Variants in G3BP2 observed in about 807,000 individuals in gnomAD.
The protein encoded by G3BP2 is G3BP stress granule assembly factor 2.
In G3BP2, 11 loss-of-function variants were observed where a neutral mutation model predicts 56.7. The observed-to-expected ratio is 0.19, with a 90% CI of 0.12 to 0.32. G3BP2 has a LOEUF of 0.32. Among genes scored for constraint, G3BP2 ranks in the 10% least tolerant of loss-of-function variants. G3BP2 has a pLI of 1.00. For missense variants in G3BP2, 340 were observed against 610.9 expected (o/e 0.56, Z 4.67); for synonymous variants, 165 against 191.6 (o/e 0.86, Z 1.15).
At chr4:75,682,414 CAAAA>C (rs34067467) in intron 3 of G3BP2, among the ~76,000 whole-genome samples, 2 of 100,258 alleles carry the variant, frequency 2.0e-5, no homozygotes. Context: ...GACTCCGTCT[CAAAA>C]AAAAAAAAAA....
chr4:75,674,017 C>T (rs1204654482), upstream of G3BP2: 1 of 152,396 alleles, frequency 6.6e-6, no homozygotes, highest in South Asian at 2.1e-4. Context: ...CGAATTTAGG[C>T]ATGGCTAAAT....
rs1406722711 is a variant in G3BP2 at position 75,655,053 on chromosome 4, T to C, written c.726+13A>G. ...ATGTGATGTTGTAAGTCTAAAGAGT[T>C]CTTTGATCTAACCTTTGGTGGTTCT... On this transcript the variant is annotated intron_variant, in intron 7 of 11. Transcript: ENST00000359707. 6.3e-7 allele frequency: 1 copy of C among 1,588,754 alleles called. No homozygotes were observed. The highest frequency in any genetic ancestry group is 8.6e-7 in the Non-Finnish European group (1 of 1,165,140).
At chr4:75,657,868 T>C in intron 3 of G3BP2, 138 bp from the exon 4 acceptor site, 1 of 574,962 alleles carries the variant, frequency 1.7e-6, no homozygotes, top group South Asian at 2.3e-5. Flanking sequence ...ACGACCATGC[T>C]GTGCATCACT....
At position 75,643,024 on chromosome 4, in the gene G3BP2, C is replaced by A. The variant is rs1458609548; in HGVS notation, c.*2406G>T. The A allele has an allele frequency of 2.6e-5, 4 of 152,464 alleles. No homozygotes were observed. The East Asian group carries it at 7.7e-4, about 29-fold the overall frequency. 9.4% of individuals were successfully genotyped at this position (152,464 alleles called of 1,614,324 possible). On this transcript the variant is annotated 3_prime_UTR_variant, in exon 12 of 12. Transcript: ENST00000359707. Reference sequence around the variant, plus strand: ...AGAATATTACCATCAAAAAATAAAACAAAATCAGCAAATAACAGTAATGGT... The same window carrying A: ...AGAATATTACCATCAAAAAATAAAAAAAAATCAGCAAATAACAGTAATGGT...
At chr4:75,703,582 T>C (rs1166662838) in intron 3 of G3BP2, among the ~76,000 whole-genome samples, 2 of 152,134 alleles carry the variant, frequency 1.3e-5, no homozygotes, top group Non-Finnish European at 2.9e-5. Flanking sequence ...AAACAGGGTT[T>C]TTAGCCTCTT....
At chr4:75,704,876 A>C (rs1360309012) in intron 3 of G3BP2, among the ~76,000 whole-genome samples, 2 of 151,210 alleles carry the variant, frequency 1.3e-5, no homozygotes, top group Admixed American at 1.3e-4. Flanking sequence ...CAGGTGACCC[A>C]CCCGCCTTGG....
intron 9 of G3BP2, among the ~76,000 whole-genome samples, chr4:75,648,260 A>C (rs1578377125): frequency 6.6e-6 from 1 of 151,832 alleles, no homozygotes; most frequent in East Asian, 1.9e-4. Context: ...AGGCAAGGGA[A>C]TCATTTGAAC....
upstream of G3BP2, among the ~76,000 whole-genome samples, chr4:75,674,718 A>ATTTTTTTTTTT (rs71203842): frequency 1.4e-5 from 1 of 71,432 alleles, no homozygotes; most frequent in African/African-American, 5.9e-5. Context: ...ATATATATAT[A>ATTTTTTTTTTT]TTTTTTTTTT....
At chr4:75,699,072 A>G (rs1230047886) in intron 3 of G3BP2, among the ~76,000 whole-genome samples, 2 of 152,050 alleles carry the variant, frequency 1.3e-5, no homozygotes, top group African/African-American at 2.4e-5. Context: ...TGTTACTTTC[A>G]ATACACTGTG....
chr4:75,675,017 C>G (rs922075430), upstream of G3BP2, among the ~76,000 whole-genome samples: 4 of 151,956 alleles, frequency 2.6e-5, no homozygotes, highest in Admixed American at 2.0e-4. Flanking sequence ...GCCACCGCAC[C>G]CGGCCAGTAG....
chr4:75,666,726 A>G (rs1733067543), intron 1 of G3BP2, among the ~76,000 whole-genome samples: 1 of 152,240 alleles, frequency 6.6e-6, no homozygotes, highest in African/African-American at 2.4e-5. Context: ...CTTTCAGAAT[A>G]AAAGTGATTA....
intron 1 of G3BP2, among the ~76,000 whole-genome samples, chr4:75,665,188 TTA>T (rs1488420053): frequency 6.6e-6 from 1 of 152,206 alleles, no homozygotes; most frequent in African/African-American, 2.4e-5. Flanking sequence ...AACTTCTACA[TTA>T]TGTTTTTAGG....
intron 3 of G3BP2, among the ~76,000 whole-genome samples, chr4:75,694,616 C>T (rs1719025740): frequency 6.6e-6 from 1 of 151,950 alleles, no homozygotes; most frequent in Non-Finnish European, 1.5e-5. Context: ...AAAAGGAGTC[C>T]TGAGACTCCT....
At chr4:75,677,166 A>G (rs1268538646), upstream of G3BP2, among the ~76,000 whole-genome samples, 1 of 152,246 alleles carries the variant, frequency 6.6e-6, no homozygotes, top group Non-Finnish European at 1.5e-5. Flanking sequence ...ATTTGAATTT[A>G]TAAAGCTTTT....
chr4:75,653,223 TAA>T lies in G3BP2; in HGVS notation c.825+758_825+759del, dbSNP rs549014448. On this transcript the variant is annotated intron_variant, in intron 8 of 11. Transcript: ENST00000359707. ...TCAAAATTTCACTGCTTAGAACATA[TAA>T]AAGATACATTTATATACTAACATTT... Among the ~76,000 whole-genome samples the T allele has an allele frequency of 3.7e-4, 56 of 152,156 alleles. 1 individual carries two copies. The South Asian group carries it at 0.011, about 31-fold the overall frequency.
At chr4:75,648,550 A>T in intron 9 of G3BP2, 89 bp downstream of exon 9, 1 of 683,262 alleles carries the variant, frequency 1.5e-6, no homozygotes, top group Non-Finnish European at 2.7e-6. Flanking sequence ...GGGTCTGTGT[A>T]TAGAACGCAT....
At chr4:75,718,660 G>A (rs575640329) in intron 3 of G3BP2, among the ~76,000 whole-genome samples, 1 of 152,150 alleles carries the variant, frequency 6.6e-6, no homozygotes, top group African/African-American at 2.4e-5. Context: ...CCTTGCTTTA[G>A]AGGTGGGAAT....
chr4:75,698,274 A>C (rs2149091479), intron 3 of G3BP2, among the ~76,000 whole-genome samples: 1 of 152,298 alleles, frequency 6.6e-6, no homozygotes, highest in South Asian at 2.1e-4. Flanking sequence ...CCAGTGAAGG[A>C]GATATAATGA....
At chr4:75,656,569 G>A (rs1315203992) in intron 5 of G3BP2, among the ~76,000 whole-genome samples, 1 of 151,866 alleles carries the variant, frequency 6.6e-6, no homozygotes, top group Non-Finnish European at 1.5e-5. Flanking sequence ...AGCCAACAAA[G>A]ACATATTATT....
Sources: allele counts gnomAD v4.1 joint callset (sites outside exome capture counted in the v4.1 genomes callset), GRCh38; gene constraint gnomAD v4.1.1; transcripts MANE v1.5; gene names NCBI Gene and HGNC (gene_info 2026-07-23, HGNC 2026-07-21).